Variants in NF1 observed in about 807,000 individuals in gnomAD.
NF1 encodes neurofibromin.
In NF1, 122 loss-of-function variants were observed where a neutral mutation model predicts 325.7. That is an observed-to-expected ratio of 0.37 (90% confidence interval 0.32 to 0.44). The LOEUF (loss-of-function observed/expected upper bound fraction) is 0.44. NF1 is among the 20% of genes least tolerant of loss of function. The pLI is 1.00. For synonymous variants in NF1, 1,091 were observed against 1,186.0 expected (o/e 0.92, Z 1.65); for missense variants, 2,140 against 3,415.4 (o/e 0.63, Z 9.31).
chr17:31,298,583 G>C (rs531658133), intron 36 of NF1, among the ~76,000 whole-genome samples: 2 of 151,920 alleles, frequency 1.3e-5, no homozygotes, highest in East Asian at 3.9e-4. Context: ...AATGTTCCTC[G>C]AAAAGTATCT....
At chr17:31,123,479 T>C (rs1325205987) in intron 1 of NF1, among the ~76,000 whole-genome samples, 1 of 152,218 alleles carries the variant, frequency 6.6e-6, no homozygotes, top group East Asian at 1.9e-4. Context: ...AGAGACAGGG[T>C]CTGTCTCTGT....
intron 8 of NF1, among the ~76,000 whole-genome samples, chr17:31,191,690 G>A (rs1303583976): frequency 2.0e-5 from 3 of 152,154 alleles, no homozygotes; most frequent in Non-Finnish European, 1.5e-5. Context: ...TGTCATGATC[G>A]TGGTTGTAGT....
chr17:31,299,511 A>G (rs2068532130), intron 36 of NF1: 1 of 152,008 alleles, frequency 6.6e-6, no homozygotes. Context: ...GTGTCCTAGG[A>G]TATATTACCC....
intron 57 of NF1, chr17:31,367,346 C>T (rs1035658025): frequency 9.4e-7 from 1 of 1,063,222 alleles, no homozygotes; most frequent in Non-Finnish European, 1.3e-6. Flanking sequence ...GGGCACATAG[C>T]ATGAGACTTT....
intron 29 of NF1, among the ~76,000 whole-genome samples, chr17:31,245,630 A>G (rs2067375937): frequency 6.6e-6 from 1 of 152,176 alleles, no homozygotes; most frequent in Non-Finnish European, 1.5e-5. Flanking sequence ...CAGAAAGGAT[A>G]CAGATGAACA....
intron 1 of NF1, among the ~76,000 whole-genome samples, chr17:31,099,338 C>T (rs551732305): frequency 6.6e-6 from 1 of 152,190 alleles, no homozygotes; most frequent in South Asian, 2.1e-4. Context: ...ATTCCTTAAC[C>T]TGATAATATT....
At chr17:31,356,385 A>G in intron 51 of NF1, 75 bp from the exon 52 acceptor site, 2 of 1,501,968 alleles carry the variant, frequency 1.3e-6, no homozygotes, top group Non-Finnish European at 1.8e-6. Flanking sequence ...ATGTCCAAAC[A>G]TTTTCTTTTT....
At chr17:31,271,302 A>G (rs901643250) in intron 36 of NF1, among the ~76,000 whole-genome samples, 9 of 152,220 alleles carry the variant, frequency 5.9e-5, no homozygotes, top group African/African-American at 1.7e-4. Context: ...GCGCAATATC[A>G]TTATACATTA....
chr17:31,162,961 C>A (rs533527555), intron 3 of NF1, among the ~76,000 whole-genome samples: 8 of 152,218 alleles, frequency 5.3e-5, no homozygotes, highest in African/African-American at 1.9e-4. Context: ...GGGGATTGAA[C>A]TTTAATTGTG....
At chr17:31,315,558 A>G (rs2068999315) in intron 36 of NF1, among the ~76,000 whole-genome samples, 1 of 152,210 alleles carries the variant, frequency 6.6e-6, no homozygotes. Context: ...AATTTAAAAT[A>G]CAAAAAATTT....
At chr17:31,320,102 G>T (rs1255810834) in intron 36 of NF1, among the ~76,000 whole-genome samples, 1 of 152,026 alleles carries the variant, frequency 6.6e-6, no homozygotes, top group Non-Finnish European at 1.5e-5. Flanking sequence ...GAATTTAACA[G>T]TTCCATGTAC....
intron 36 of NF1, among the ~76,000 whole-genome samples, chr17:31,292,315 A>G (rs1325609194): frequency 1.3e-5 from 2 of 152,144 alleles, no homozygotes; most frequent in East Asian, 1.9e-4. Context: ...GCATTTTGAA[A>G]TTTTTCTGGA....
At chr17:31,138,695 G>A (rs927943101) in intron 1 of NF1, among the ~76,000 whole-genome samples, 3 of 150,830 alleles carry the variant, frequency 2.0e-5, no homozygotes, top group African/African-American at 4.9e-5. Context: ...CCAGGTTCAC[G>A]CAATTCTTCT....
intron 8 of NF1, among the ~76,000 whole-genome samples, chr17:31,197,548 T>G (rs879376716): frequency 7.9e-5 from 12 of 152,138 alleles, no homozygotes; most frequent in Non-Finnish European, 1.6e-4. Context: ...TTCCTATGTA[T>G]TTTATTTTGG....
rs2143707375 is a variant in NF1 at position 31,169,935 on chromosome 17, A to G, written c.524A>G (p.His175Arg). ...TGTTCAGAAGACAATGTTGATGTTCATGATATAGAATTGTTACAGTATATC... is the reference window on the plus strand; with the variant it reads ...TGTTCAGAAGACAATGTTGATGTTCGTGATATAGAATTGTTACAGTATATC... ...TVCSEDNVDV[H>R]DIELLQYINV... Residue 175 changes from histidine (H) to arginine (R), a missense_variant, in exon 5 of 58, where the codon CAT becomes CGT. By Grantham distance (29) the His-to-Arg change is conservative (BLOSUM62 0). This residue lies in a region of NF1 where 246 missense variants were observed against 347.8 expected (regional missense o/e 0.71). Transcript: ENST00000358273. 2 of 1,591,476 alleles carry G rather than the reference A, an allele frequency of 1.3e-6. No homozygotes were observed. The highest frequency in any genetic ancestry group is 1.7e-6 in the Non-Finnish European group (2 of 1,165,222).
chr17:31,238,513 T>A (rs1252872206), intron 29 of NF1, among the ~76,000 whole-genome samples: 1 of 152,058 alleles, frequency 6.6e-6, no homozygotes, highest in Non-Finnish European at 1.5e-5. Context: ...GGTGGGCAGA[T>A]CACGAAGTCA....
At chr17:31,175,389 G>A (rs2066004450) in intron 5 of NF1, among the ~76,000 whole-genome samples, 1 of 116,726 alleles carries the variant, frequency 8.6e-6, no homozygotes, top group Admixed American at 1.3e-4. Context: ...TTGCTCTGTC[G>A]CTCAGGCTGG....
chr17:31,176,471 G>A (rs889344140), intron 5 of NF1, among the ~76,000 whole-genome samples: 5 of 152,258 alleles, frequency 3.3e-5, no homozygotes, highest in African/African-American at 4.8e-5. Context: ...TGTTCACTCC[G>A]ATGGTAGTTT....
intron 36 of NF1, chr17:31,304,193 A>G (rs1352426208): frequency 8.5e-6 from 12 of 1,418,760 alleles, no homozygotes; most frequent in African/African-American, 1.4e-5. Flanking sequence ...GCCATTTTAT[A>G]TATGTTAACA....
Sources: gnomAD v4.1 joint callset for allele counts (sites outside exome capture counted in the v4.1 genomes callset) on GRCh38, gnomAD v4.1.1 for gene constraint, gnomAD v4.1.1 regional missense constraint, MANE v1.5 for transcripts, NCBI Gene and HGNC (gene_info 2026-07-23, HGNC 2026-07-21) for gene names.